The following POLE2 variants were observed in gnomAD, a reference collection of about 807,000 sequenced individuals.
POLE2 encodes DNA polymerase epsilon subunit 2.
A neutral mutation model predicts 79.4 loss-of-function variants in POLE2; 56 were observed. The ratio of observed to expected loss-of-function variants is 0.71; its 90% CI spans 0.57 to 0.88. The LOEUF (loss-of-function observed/expected upper bound fraction) is 0.88, where lower values mean the gene tolerates loss of function less well. Ranked by LOEUF, POLE2 falls within the 40% of genes least tolerant of loss-of-function variation. The probability of loss-of-function intolerance (pLI) is 0.00; values close to 1 mark genes in which losing one functional copy is unlikely to be tolerated. For synonymous variants in POLE2, 212 were observed against 214.0 expected, an observed-to-expected ratio of 0.99 and a Z score of 0.08; for missense variants, 598 against 638.9, an observed-to-expected ratio of 0.94 and a Z score of 0.69.
intron 3 of POLE2, among the ~76,000 whole-genome samples, chr14:49,676,944 C>A (rs1039366998): frequency 1.3e-5 from 2 of 152,248 alleles, no homozygotes; most frequent in Admixed American, 1.3e-4. Context: ...AGCCCTTTGG[C>A]AGCCTCAGAC....
At chr14:49,644,561 C>T (rs1008995052) in intron 18 of POLE2, among the ~76,000 whole-genome samples, 6 of 151,586 alleles carry the variant, frequency 4.0e-5, no homozygotes, top group African/African-American at 1.5e-4. Context: ...TATATGTGGG[C>T]TTATGCTTTA....
intron 10 of POLE2, among the ~76,000 whole-genome samples, chr14:49,659,716 G>A (rs148586690): frequency 3.3e-5 from 5 of 152,176 alleles, no homozygotes; most frequent in African/African-American, 1.2e-4. Context: ...AAGTAGCTAG[G>A]ACTACAGGTA....
At chr14:49,684,607 ACAATACACATATGGTAAGG>A in intron 1 of POLE2, 1 of 151,322 alleles carries the variant, frequency 6.6e-6, no homozygotes, top group East Asian at 1.9e-4. Context: ...CTCGGGCCTG[ACAATACACATATGGTAAGG>A]CACTGCCACC....
chr14:49,684,974 C>CA (rs1030795600), intron 1 of POLE2, among the ~76,000 whole-genome samples: 4 of 151,546 alleles, frequency 2.6e-5, no homozygotes, highest in Admixed American at 2.0e-4. Flanking sequence ...AACTCCATCT[C>CA]AAAAAAAATA....
chr14:49,658,368 G>A (rs981791534), intron 10 of POLE2, among the ~76,000 whole-genome samples: 1 of 152,152 alleles, frequency 6.6e-6, no homozygotes, highest in Non-Finnish European at 1.5e-5. Context: ...GAGCCACCGC[G>A]CCCGGCCCCT....
At chr14:49,668,486 A>T (rs1885649950) in intron 6 of POLE2, among the ~76,000 whole-genome samples, 1 of 151,992 alleles carries the variant, frequency 6.6e-6, no homozygotes, top group African/African-American at 2.4e-5. Context: ...CTAAAACAAC[A>T]CAAGAGAAGT....
chr14:49,661,373 T>C (rs1016306323), intron 10 of POLE2, among the ~76,000 whole-genome samples: 1 of 152,314 alleles, frequency 6.6e-6, no homozygotes, highest in Middle Eastern at 3.4e-3. Flanking sequence ...CCAACTGGCA[T>C]TTTCAAAGGT....
At chr14:49,688,072 C>A in intron 1 of POLE2, 64 bp downstream of exon 1, 2 of 1,310,744 alleles carry the variant, frequency 1.5e-6, no homozygotes, top group Non-Finnish European at 2.1e-6. Flanking sequence ...CGTCCCGCTG[C>A]CGCACCAGGC....
chr14:49,663,425 T>C (rs759304212), intron 9 of POLE2, 38 bp from the exon 10 acceptor site: 1 of 1,440,638 alleles, frequency 6.9e-7, no homozygotes. Context: ...TGTCTAATCC[T>C]CTATGTTTGA....
At chr14:49,680,405 A>C (rs1328725020) in intron 2 of POLE2, among the ~76,000 whole-genome samples, 1 of 152,184 alleles carries the variant, frequency 6.6e-6, no homozygotes, top group Non-Finnish European at 1.5e-5. Context: ...TTACATTAGT[A>C]TAACTTTATC....
At chr14:49,656,629 T>A (rs1884698953) in intron 10 of POLE2, among the ~76,000 whole-genome samples, 1 of 151,778 alleles carries the variant, frequency 6.6e-6, no homozygotes, top group Non-Finnish European at 1.5e-5. Context: ...CAAGCAAGGG[T>A]CAGTAGGAAA....
chr14:49,666,740 T>C (rs1348427427), intron 6 of POLE2, among the ~76,000 whole-genome samples: 1 of 152,192 alleles, frequency 6.6e-6, no homozygotes, highest in Non-Finnish European at 1.5e-5. Flanking sequence ...AATATCAATT[T>C]TATTTTCTTT....
At chr14:49,684,593 G>T (rs1357932992) in intron 1 of POLE2, 1 of 151,236 alleles carries the variant, frequency 6.6e-6, no homozygotes, top group Non-Finnish European at 1.5e-5. Flanking sequence ...AGATGGAAGA[G>T]GCCCTCGGGC....
chr14:49,683,678 G>C lies in POLE2; in HGVS notation c.84C>G (p.Tyr28Ter). 6.5e-7 allele frequency: 1 copy of C among 1,544,404 alleles called. No individual in the cohort carries two copies. The highest frequency in any genetic ancestry group is 8.9e-7 in the Non-Finnish European group (1 of 1,123,598). The change falls in exon 2 of 19, where the codon TAC (tyrosine) becomes TAG (stop). Residue 28 changes from tyrosine (Y) to a stop codon, truncating the protein, a stop_gained. Coordinates refer to ENST00000216367, the MANE Select transcript of POLE2 (RefSeq NM_002692.4). LOFTEE classifies it high-confidence loss of function. ...GLLLRGEAIKYLTEALQSISE... is the reference protein window; with the variant it reads ...GLLLRGEAIK ...TGATAGACTGAAGAGCTTCTGTGAG[G>C]TACTTAATAGCTTCACTAAGAAAAG...
intron 3 of POLE2, among the ~76,000 whole-genome samples, chr14:49,678,475 A>G (rs1432044159): frequency 1.3e-5 from 2 of 152,234 alleles, no homozygotes; most frequent in Non-Finnish European, 2.9e-5. Context: ...AAGAGAATGT[A>G]TAAACAGAAG....
At chr14:49,683,437 G>A (rs999614485) in intron 2 of POLE2, among the ~76,000 whole-genome samples, 156 bp downstream of exon 2, 1 of 150,790 alleles carries the variant, frequency 6.6e-6, no homozygotes, top group African/African-American at 2.5e-5. Flanking sequence ...ATAAACTAAA[G>A]GTATTACCCC....
chr14:49,644,511 CAA>C (rs34511706), intron 18 of POLE2, among the ~76,000 whole-genome samples: 9 of 129,362 alleles, frequency 7.0e-5, no homozygotes, highest in Admixed American at 7.6e-5. Flanking sequence ...ACTCCGTCTC[CAA>C]AAAAAAAAAA....
chr14:49,651,829 G>A (rs959842344), intron 15 of POLE2, among the ~76,000 whole-genome samples: 9 of 152,098 alleles, frequency 5.9e-5, no homozygotes, highest in African/African-American at 2.4e-5. Context: ...GGCTTGAAGC[G>A]GAAGAGGGAC....
rs1445477101 is a variant in POLE2, at chr14:49,664,645, T to C, written c.663A>G (p.Ala221=). The C allele has an allele frequency of 6.3e-7, 1 of 1,595,928 alleles. No homozygotes were observed. Among genetic ancestry groups the C allele is most frequent in the Non-Finnish European group, 8.6e-7 (1 of 1,163,628 alleles). Residue 221 remains alanine, a synonymous_variant, in exon 9 of 19, where the codon GCA becomes GCG. Coordinates refer to ENST00000216367, the MANE Select transcript of POLE2 (RefSeq NM_002692.4). ...ACTTACCTTCTGCTAAGACAAAGCA[T>C]GCCTCTGTGTATAAACCACTATGGA... is the stretch of plus-strand genomic sequence containing the variant. ...AQFHSGLYTE[A]CFVLAEGWFE...
Sources: gnomAD v4.1 joint callset for allele counts (sites outside exome capture counted in the v4.1 genomes callset) on GRCh38, gnomAD v4.1.1 for gene constraint, MANE v1.5 for transcripts, NCBI Gene and HGNC (gene_info 2026-07-23, HGNC 2026-07-21) for gene names.